Variants in ATL2 observed in about 807,000 individuals in gnomAD.
The protein encoded by ATL2 is atlastin GTPase 2.
A neutral mutation model predicts 73.9 loss-of-function variants in ATL2; 31 were observed. The ratio of observed to expected loss-of-function variants is 0.42; its 90% confidence interval spans 0.32 to 0.57. ATL2 has a LOEUF of 0.57. Ranked by LOEUF, ATL2 falls within the 20% of genes least tolerant of loss-of-function variation. The pLI is 0.14. For synonymous variants in ATL2, 291 were observed against 237.5 expected, an observed-to-expected ratio of 1.23 and a Z score of -2.07; for missense variants, 738 against 702.6, an observed-to-expected ratio of 1.05 and a Z score of -0.57.
intron 2 of ATL2, among the ~76,000 whole-genome samples, chr2:38,322,804 A>G (rs1237509414): frequency 6.6e-6 from 1 of 152,184 alleles, no homozygotes; most frequent in East Asian, 1.9e-4. Context: ...ACTTGAGCCC[A>G]AAAGTTCAAG....
intron 9 of ATL2, among the ~76,000 whole-genome samples, chr2:38,302,225 G>GAAATGTGCTGGC (rs1310503268): frequency 6.6e-6 from 1 of 152,008 alleles, no homozygotes; most frequent in Non-Finnish European, 1.5e-5. Flanking sequence ...GTGAGATTCA[G>GAAATGTGCTGGC]AAATGTGCTG....
At chr2:38,296,382 T>C (rs1364688636) in intron 12 of ATL2, 20 of 1,511,936 alleles carry the variant, frequency 1.3e-5, no homozygotes, top group African/African-American at 2.8e-5. Context: ...AAATCTGGTA[T>C]GTATACAGCA....
chr2:38,309,660 A>G (rs1465863885), intron 8 of ATL2, among the ~76,000 whole-genome samples, 154 bp from the exon 9 acceptor site: 3 of 152,134 alleles, frequency 2.0e-5, no homozygotes, highest in Non-Finnish European at 4.4e-5. Context: ...CCAACATGCC[A>G]TATCTCATAG....
At chr2:38,297,910 C>A (rs1573416329) in intron 12 of ATL2, 1 of 402,144 alleles carries the variant, frequency 2.5e-6, no homozygotes, top group East Asian at 4.0e-5. Context: ...ATCAGGCCTA[C>A]AACTAAGAAT....
At chr2:38,299,384 C>A in intron 10 of ATL2, 57 bp from the exon 11 acceptor site, 1 of 1,464,764 alleles carries the variant, frequency 6.8e-7, no homozygotes, top group South Asian at 1.4e-5. Flanking sequence ...TCTAAAAATT[C>A]TGATTAACAC....
At chr2:38,371,909 T>C (rs1031842692) in intron 1 of ATL2, among the ~76,000 whole-genome samples, 8 of 151,836 alleles carry the variant, frequency 5.3e-5, no homozygotes, top group African/African-American at 1.9e-4. Flanking sequence ...AATAAATAAA[T>C]ACATAAAAAT....
At chr2:38,353,065 A>G (rs1050667147) in intron 1 of ATL2, among the ~76,000 whole-genome samples, 4 of 150,778 alleles carry the variant, frequency 2.7e-5, no homozygotes, top group Non-Finnish European at 4.4e-5. Flanking sequence ...TACTAGACAT[A>G]CAAAGAAAGA....
chr2:38,322,063 A>G (rs1668355535), intron 2 of ATL2, among the ~76,000 whole-genome samples: 1 of 152,170 alleles, frequency 6.6e-6, no homozygotes, highest in Non-Finnish European at 1.5e-5. Context: ...ATGGTTTTGC[A>G]GTTTTTTTGT....
chr2:38,376,683 C>T (rs1671989069), intron 1 of ATL2: 1 of 152,270 alleles, frequency 6.6e-6, no homozygotes, highest in African/African-American at 2.4e-5. Context: ...CCCTGGCCAC[C>T]CCTTCCTCCC....
intron 1 of ATL2, among the ~76,000 whole-genome samples, chr2:38,370,457 A>C (rs1192178541): frequency 3.0e-5 from 2 of 67,750 alleles, no homozygotes; most frequent in Non-Finnish European, 5.4e-5. Flanking sequence ...CCAAAAAAAA[A>C]AAAAAAAAAA....
In ATL2 at chr2:38,294,291, G is replaced by GT. The variant is rs569906311; in HGVS notation, c.*1702dup. On this transcript the variant is annotated 3_prime_UTR_variant, in exon 13 of 13. Coordinates refer to ENST00000378954, the MANE Select transcript of ATL2 (RefSeq NM_001135673.4). ...GGGCCGGGCGCGGTGGCTCACGCCT[G>GT]TAATCCCAACACTTTGGGAGGCCAA... Among the ~76,000 whole-genome samples, 122 of 152,354 alleles carry GT rather than the reference G, an allele frequency of 8.0e-4. No homozygotes were observed. Among genetic ancestry groups the GT allele is most frequent in the African/African-American group, 2.8e-3 (116 of 41,582 alleles).
intron 2 of ATL2, among the ~76,000 whole-genome samples, chr2:38,323,962 A>G (rs1668463506): frequency 6.6e-6 from 1 of 152,222 alleles, no homozygotes; most frequent in African/African-American, 2.4e-5. Context: ...TGGGAGTAAA[A>G]GGAATAAAAA....
At chr2:38,297,216 C>A (rs1350310768) in intron 12 of ATL2, among the ~76,000 whole-genome samples, 2 of 151,732 alleles carry the variant, frequency 1.3e-5, no homozygotes, top group African/African-American at 4.8e-5. Context: ...CAACTTTCTT[C>A]AAAAAAAATG....
chr2:38,312,838 T>C (rs1667832983), intron 7 of ATL2, among the ~76,000 whole-genome samples: 1 of 152,192 alleles, frequency 6.6e-6, no homozygotes, highest in South Asian at 2.1e-4. Flanking sequence ...ACCTCTTTTC[T>C]TCATAAATTA....
chr2:38,344,792 G>C (rs570528511), intron 1 of ATL2, among the ~76,000 whole-genome samples: 1 of 151,946 alleles, frequency 6.6e-6, no homozygotes, highest in African/African-American at 2.4e-5. Context: ...TTTCATTAAA[G>C]AAGAGTCAGT....
intron 12 of ATL2, among the ~76,000 whole-genome samples, chr2:38,297,559 G>A (rs1359549483): frequency 3.9e-5 from 6 of 152,190 alleles, no homozygotes; most frequent in African/African-American, 1.4e-4. Context: ...AAAAGATTAC[G>A]ACGGAGCATG....
intron 9 of ATL2, 135 bp from the exon 10 acceptor site, chr2:38,300,463 T>A: frequency 1.7e-6 from 1 of 588,300 alleles, no homozygotes; most frequent in Non-Finnish European, 3.0e-6. Context: ...AATCACCTTA[T>A]TCCAACAAAG....
chr2:38,295,911 A>G lies in ATL2; in HGVS notation c.*83T>C. 2 of 1,188,580 alleles carry G rather than the reference A, an allele frequency of 1.7e-6. No individual in the cohort carries two copies. The highest frequency in any genetic ancestry group is 2.4e-6 in the Non-Finnish European group (2 of 847,616). The allele number at this position is 1,188,580 out of a possible 1,614,324, so 73.6% of individuals were successfully genotyped here. ...AAACTACTTCTACAGTTGATTGTAA[A>G]CTTTGGTTTATTTTTATTTGAGTTC... On this transcript the variant is annotated 3_prime_UTR_variant, in exon 13 of 13. Transcript: ENST00000378954.
chr2:38,347,787 TA>T (rs1390279281), intron 1 of ATL2, among the ~76,000 whole-genome samples: 13,038 of 142,814 alleles, frequency 0.091, 2,112 homozygotes, highest in African/African-American at 0.34. Flanking sequence ...TTTTTTTTTT[TA>T]AGGCAGAGCG....
Sources: gnomAD v4.1 joint callset for allele counts (sites outside exome capture counted in the v4.1 genomes callset) on GRCh38, gnomAD v4.1.1 for gene constraint, MANE v1.5 for transcripts, NCBI Gene and HGNC (gene_info 2026-07-23, HGNC 2026-07-21) for gene names.